JAKMIP3: variants seen among roughly 807,000 people sequenced by gnomAD.
JAKMIP3 encodes janus kinase and microtubule-interacting protein 3.
Under a neutral mutation model 118.5 loss-of-function variants are expected in JAKMIP3, and 58 were observed. The ratio of observed to expected loss-of-function variants is 0.49; its 90% CI spans 0.40 to 0.61. The LOEUF (loss-of-function observed/expected upper bound fraction) is 0.61, where lower values mean the gene tolerates loss of function less well. Ranked by LOEUF, JAKMIP3 falls within the 20% of genes least tolerant of loss-of-function variation. The pLI is 0.00. For missense variants in JAKMIP3, 950 were observed against 1,109.0 expected (o/e 0.86, Z 2.04); for synonymous variants, 486 against 451.2 (o/e 1.08, Z -0.98).
At chr10:132,053,893 C>T (rs763585889) in intron 1 of JAKMIP3, among the ~76,000 whole-genome samples, 5 of 152,044 alleles carry the variant, frequency 3.3e-5, no homozygotes, top group East Asian at 1.9e-4. Flanking sequence ...AAAAATTAGC[C>T]GGGCATGGTG....
chr10:132,181,059 TTGTG>T (rs1457564813), intron 23 of JAKMIP3, among the ~76,000 whole-genome samples: 1 of 152,066 alleles, frequency 6.6e-6, no homozygotes, highest in Non-Finnish European at 1.5e-5. Flanking sequence ...GTATTGTGCA[TTGTG>T]TGTACGTGCA....
At chr10:132,165,614 C>T (rs540998463) in intron 21 of JAKMIP3, among the ~76,000 whole-genome samples, 16 of 152,320 alleles carry the variant, frequency 1.1e-4, no homozygotes, top group Admixed American at 9.1e-4. Flanking sequence ...CTGTGGTTGG[C>T]ATGTGCTGGT....
chr10:132,081,320 T>C (rs2041735980), intron 1 of JAKMIP3, among the ~76,000 whole-genome samples: 2 of 152,228 alleles, frequency 1.3e-5, no homozygotes, highest in East Asian at 3.8e-4. Flanking sequence ...TTCTATAAGA[T>C]TATTGTTTTA....
At chr10:132,155,556 G>A (rs1189033673) in intron 19 of JAKMIP3, among the ~76,000 whole-genome samples, 1 of 152,194 alleles carries the variant, frequency 6.6e-6, no homozygotes, top group Non-Finnish European at 1.5e-5. Flanking sequence ...GGGGTGTAAG[G>A]CCCATGTCAG....
Position 132,166,925 on chromosome 10 carries a change from C to A in JAKMIP3, c.2491-58C>A. 8 of 1,280,126 alleles carry A rather than the reference C, an allele frequency of 6.2e-6. No homozygotes were observed. In the South Asian group the frequency reaches 9.1e-5, roughly 15 times the overall value. The allele number at this position is 1,280,126 out of a possible 1,614,324, so 79.3% of individuals were successfully genotyped here. ...CGTGTATTTCTTGCCAGAAGCACTACAAACTCTTTTTTCTCTTTCTTTCCT... is the reference window on the plus strand; with the variant it reads ...CGTGTATTTCTTGCCAGAAGCACTAAAAACTCTTTTTTCTCTTTCTTTCCT... On this transcript the variant is annotated intron_variant, in intron 21 of 23. Transcript: ENST00000684848.
chr10:132,108,041 G>A (rs1427800766), intron 2 of JAKMIP3, among the ~76,000 whole-genome samples: 2 of 152,230 alleles, frequency 1.3e-5, no homozygotes, highest in African/African-American at 4.8e-5. Context: ...TACACTGGTG[G>A]GAAGGTGCTG....
chr10:132,065,574 C>T (rs985195715), upstream of JAKMIP3, among the ~76,000 whole-genome samples: 1 of 152,096 alleles, frequency 6.6e-6, no homozygotes, highest in Admixed American at 6.5e-5. This position sits in a 1 kb window ranked among gnomAD's most constrained non-coding sequence, Gnocchi z 5.6. Context: ...CAGCCGTGGC[C>T]TCTGCCGCTC....
chr10:132,177,857 G>A (rs968888029), intron 23 of JAKMIP3, among the ~76,000 whole-genome samples: 13 of 148,778 alleles, frequency 8.7e-5, no homozygotes, highest in East Asian at 8.1e-4. Context: ...GGTAGTGTGC[G>A]TGTGTGTGCA....
chr10:132,180,692 CGT>C (rs1208561730), intron 23 of JAKMIP3, among the ~76,000 whole-genome samples: 4,523 of 11,228 alleles, frequency 0.4, 1,366 homozygotes, highest in East Asian at 0.67. Flanking sequence ...CGTGTGTGTG[CGT>C]GCGTGTGTGT....
rs530049251 is a variant in JAKMIP3 at position 132,141,409 on chromosome 10, C to T, written c.1474-511C>T. ...CTCACCTGTCTTCTCCCTGGGGTGA[C>T]GGGGGGCACTGCAGCTAGCAGGGTG... is the stretch of plus-strand genomic sequence containing the variant. On this transcript the variant is annotated intron_variant, in intron 10 of 23. Transcript: ENST00000684848. Among the ~76,000 whole-genome samples the T allele has an allele frequency of 2.3e-3, 350 of 152,234 alleles. 2 individuals are homozygous for T. Among genetic ancestry groups the T allele is most frequent in the Admixed American group, 4.2e-3 (65 of 15,302 alleles).
chr10:132,064,453 G>T (rs536952724), upstream of JAKMIP3, among the ~76,000 whole-genome samples: 2 of 152,242 alleles, frequency 1.3e-5, no homozygotes, highest in African/African-American at 4.8e-5. The surrounding 1 kb of genome is among the most constrained non-coding windows in gnomAD (Gnocchi z 4.4). Context: ...CCGCCGGCAT[G>T]GGAACCCTCT....
chr10:132,117,592 GGCGGGCGTGGGC>G lies in JAKMIP3; in HGVS notation c.633+20_633+31del, dbSNP rs768333974. On this transcript the variant is annotated intron_variant, in intron 3 of 23. Coordinates refer to ENST00000684848, the MANE Select transcript of JAKMIP3 (RefSeq NM_001323087.2). The surrounding 1 kb of genome is among the most constrained non-coding windows in gnomAD (Gnocchi z 8.6). The stretch of plus-strand genomic sequence containing the variant: ...GCAGGCTGGTACGTGGGCAGGCAGG[GGCGGGCGTGGGC>G]GAGGGTGCAGGGGCGGGCGTGGGCG... 2.2e-6 allele frequency: 2 copies of G among 905,146 alleles called. No individual in the cohort carries two copies. The allele number at this position is 905,146 out of a possible 1,614,324, so 56.1% of individuals were successfully genotyped here.
chr10:132,155,086 A>T (rs1056414018), intron 19 of JAKMIP3, among the ~76,000 whole-genome samples: 3 of 119,176 alleles, frequency 2.5e-5, no homozygotes, highest in Non-Finnish European at 5.5e-5. Flanking sequence ...ATGCTGCTGG[A>T]GGTAGTGATG....
intron 1 of JAKMIP3, among the ~76,000 whole-genome samples, chr10:132,072,287 G>T (rs2040086733): frequency 6.6e-6 from 1 of 152,122 alleles, no homozygotes; most frequent in South Asian, 2.1e-4. Flanking sequence ...GCTCATGCCT[G>T]TAATCTCAGC....
intron 1 of JAKMIP3, among the ~76,000 whole-genome samples, chr10:132,071,821 T>G (rs537989491): frequency 1.2e-3 from 178 of 150,130 alleles, no homozygotes; most frequent in Non-Finnish European, 2.2e-3. Context: ...TCCTTTCTTT[T>G]CTTTCCTTTC....
At chr10:132,177,348 G>T (rs1441322934) in intron 23 of JAKMIP3, among the ~76,000 whole-genome samples, 4 of 152,292 alleles carry the variant, frequency 2.6e-5, no homozygotes, top group African/African-American at 9.6e-5. Context: ...ATGGAGAACA[G>T]GCAGAAAGTG....
chr10:132,132,879 C>T (rs1009070380), intron 3 of JAKMIP3, among the ~76,000 whole-genome samples: 3 of 152,240 alleles, frequency 2.0e-5, no homozygotes, highest in Non-Finnish European at 4.4e-5. Flanking sequence ...AGGGAAGAAA[C>T]TTGGCCGTGG....
At chr10:132,083,614 CGTCTAGA>C (rs1465453408) in intron 1 of JAKMIP3, among the ~76,000 whole-genome samples, 2 of 152,126 alleles carry the variant, frequency 1.3e-5, no homozygotes, top group Non-Finnish European at 2.9e-5. Context: ...CCTAAGCCAA[CGTCTAGA>C]AGAGTTTTTC....
rs1286925183 is a variant in JAKMIP3 at position 132,139,250 on chromosome 10, A to ATG, written c.1344+1084_1344+1085dup. 2.4e-3 allele frequency among the ~76,000 whole-genome samples: 171 copies of ATG among 72,610 alleles called. 11 individuals carry two copies. The highest frequency in any genetic ancestry group is 3.9e-3 in the Non-Finnish European group (118 of 30,342). 47.6% of individuals were successfully genotyped at this position (72,610 alleles called of 152,430 possible). A position where few individuals can be genotyped will look rare whatever the true frequency, so the allele number is the denominator to read the frequency against. On this transcript the variant is annotated intron_variant, in intron 9 of 23. Transcript: ENST00000684848. ...TGAGTGTATATGCATCTGTGTGTGTATGTGTGTGTGTGTATGTGTGTACAT... is the reference window on the plus strand; with the variant it reads ...TGAGTGTATATGCATCTGTGTGTGTATGTGTGTGTGTGTGTATGTGTGTACAT...
Sources: allele counts gnomAD v4.1 joint callset (sites outside exome capture counted in the v4.1 genomes callset), GRCh38; gene constraint gnomAD v4.1.1; non-coding constraint Gnocchi (gnomAD v3.1); transcripts MANE v1.5; gene names NCBI Gene and HGNC (gene_info 2026-07-23, HGNC 2026-07-21).